The following TTC6 variants were observed in gnomAD, a reference collection of about 807,000 sequenced individuals.
TTC6 encodes the protein tetratricopeptide repeat domain 6.
Under a neutral mutation model 210.4 loss-of-function variants are expected in TTC6, and 172 were observed. That is an observed-to-expected ratio of 0.82 (90% CI 0.72 to 0.93). The LOEUF (loss-of-function observed/expected upper bound fraction) is 0.93, where lower values mean the gene tolerates loss of function less well. TTC6 is among the 40% of genes least tolerant of loss of function. The pLI, the probability that TTC6 is intolerant of heterozygous loss-of-function variation, is 0.00. For synonymous variants in TTC6, 804 were observed against 819.6 expected (o/e 0.98, Z 0.32); for missense variants, 2,414 against 2,318.1 (o/e 1.04, Z -0.85).
At chr14:37,640,110 A>G (rs1211127294) in intron 1 of TTC6, among the ~76,000 whole-genome samples, 1 of 152,064 alleles carries the variant, frequency 6.6e-6, no homozygotes, top group African/African-American at 2.4e-5. Context: ...TGTTGGATAC[A>G]GGTGCAGCTT....
intron 14 of TTC6, among the ~76,000 whole-genome samples, chr14:37,773,995 CT>C (rs1487747771): frequency 1.3e-5 from 2 of 151,998 alleles, no homozygotes; most frequent in African/African-American, 4.8e-5. Context: ...AGCTGTATTC[CT>C]AGGTGTTGTA....
At chr14:37,758,713 T>G (rs745938193) in intron 14 of TTC6, among the ~76,000 whole-genome samples, 3 of 152,202 alleles carry the variant, frequency 2.0e-5, no homozygotes, top group Non-Finnish European at 4.4e-5. Flanking sequence ...GTTGTGTGAA[T>G]TTTATCCTGT....
rs548935690 is a variant in TTC6, at chr14:37,622,489, G to T, written c.425G>T (p.Gly142Val). Reference sequence around the variant, plus strand: ...AAAAAGCCCCCAGTCATCGCCTCGGGGTTCGGCACGGCCAGACCCGTGGTC... The same window carrying T: ...AAAAAGCCCCCAGTCATCGCCTCGGTGTTCGGCACGGCCAGACCCGTGGTC... Residue 142 changes from glycine to valine, a missense_variant, in exon 1 of 31, where the codon GGG (glycine) becomes GTG (valine). Physicochemically the swap from Gly to Val is moderately radical, Grantham distance 109 (BLOSUM62 -3). Coordinates refer to ENST00000553443, the Ensembl canonical transcript of TTC6. The T allele has an allele frequency of 2.6e-6, 4 of 1,535,230 alleles. No homozygotes were observed. The African/African-American group carries it at 5.5e-5, about 21-fold the overall frequency.
At chr14:37,727,518 C>T (rs996561030) in intron 7 of TTC6, among the ~76,000 whole-genome samples, 21 of 110,030 alleles carry the variant, frequency 1.9e-4, no homozygotes, top group African/African-American at 7.4e-4. Context: ...TGGTCTTGAT[C>T]TCCTGACCTT....
At position 37,767,170 on chromosome 14, in the gene TTC6, G is replaced by A. The variant is rs546298843; in HGVS notation, c.3266+13935G>A. 8.0e-4 allele frequency among the ~76,000 whole-genome samples: 122 copies of A among 152,244 alleles called. No individual in the cohort carries two copies. In the Middle Eastern group the frequency reaches 0.031, roughly 38 times the overall value. On this transcript the variant is annotated intron_variant, in intron 14 of 30. Transcript: ENST00000553443. ...CTGCATAGTATTCCATGGTGTATAT[G>A]TGCCACATTTTCTTAATCCAGTCTA...
intron 1 of TTC6, among the ~76,000 whole-genome samples, chr14:37,651,407 ATATATATATATATATATATTTTTTTT>A (rs1487884914): frequency 2.3e-3 from 38 of 16,842 alleles, no homozygotes; most frequent in African/African-American, 9.3e-3. Flanking sequence ...ATATATATAT[ATATATATATATATATATATTTTTTTT>A]TTTTTTTTTT....
rs562015235 is a variant in TTC6, at chr14:37,748,005, G to A, written c.2364-934G>A. Among the ~76,000 whole-genome samples the A allele has an allele frequency of 6.2e-4, 95 of 152,290 alleles. 1 individual carries two copies. The highest frequency in any genetic ancestry group is 2.2e-3 in the African/African-American group (93 of 41,554). ...GGGCTTGATTTGCATACTAGGGGAA[G>A]CTCCTGGAGGAGTGATGTGATCTTA... On this transcript the variant is annotated intron_variant, in intron 10 of 30. Transcript: ENST00000553443.
At chr14:37,760,142 A>G (rs1437283662) in intron 14 of TTC6, among the ~76,000 whole-genome samples, 17 of 152,120 alleles carry the variant, frequency 1.1e-4, no homozygotes, top group African/African-American at 3.9e-4. Context: ...GGATTTATCT[A>G]TCTTTGATCT....
intron 4 of TTC6, among the ~76,000 whole-genome samples, chr14:37,699,975 A>G (rs1462320595): frequency 6.6e-6 from 1 of 152,174 alleles, no homozygotes. Context: ...ATTATGATGA[A>G]TTTGAGAGGT....
intron 15 of TTC6, 56 bp from the exon 18 acceptor site, chr14:37,790,661 T>C (rs1388109855): frequency 7.1e-7 from 1 of 1,410,242 alleles, no homozygotes; most frequent in Non-Finnish European, 9.6e-7. Context: ...TAAAGTATAA[T>C]TTACCTATGG....
At chr14:37,662,261 C>T (rs1449723325) in intron 1 of TTC6, among the ~76,000 whole-genome samples, 2 of 152,052 alleles carry the variant, frequency 1.3e-5, no homozygotes, top group African/African-American at 2.4e-5. Context: ...CCAGCTTTGC[C>T]CATTCAGTAT....
intron 14 of TTC6, among the ~76,000 whole-genome samples, chr14:37,766,700 G>C (rs899013393): frequency 2.0e-5 from 3 of 152,110 alleles, no homozygotes; most frequent in Admixed American, 6.5e-5. Context: ...ATGGTACAAT[G>C]ATTTATATTT....
At chr14:37,697,305 A>G (rs919228315) in intron 4 of TTC6, among the ~76,000 whole-genome samples, 5 of 152,132 alleles carry the variant, frequency 3.3e-5, no homozygotes, top group Admixed American at 6.6e-5. Context: ...CCTCACATCC[A>G]TAATTTTAAT....
chr14:37,636,527 G>A (rs989326118), intron 1 of TTC6, among the ~76,000 whole-genome samples: 1 of 151,910 alleles, frequency 6.6e-6, no homozygotes, highest in Non-Finnish European at 1.5e-5. Context: ...TAATCCATGG[G>A]TCAAAGAGGA....
exon 3 of TTC6, chr14:37,682,764 C>T: frequency 6.5e-7 from 1 of 1,535,328 alleles, no homozygotes; most frequent in South Asian, 1.2e-5. Flanking sequence ...ACAGAGCGTG[C>T]ATAAGGAACT....
At chr14:37,826,343 T>C (rs768294393) in exon 28 of TTC6, 1 of 1,597,354 alleles carries the variant, frequency 6.3e-7, no homozygotes, top group East Asian at 2.2e-5. Context: ...AATGCTGCCA[T>C]GAAGGTAAAA....
intron 27 of TTC6, among the ~76,000 whole-genome samples, chr14:37,824,427 ATT>A (rs531331753): frequency 5.1e-4 from 77 of 152,156 alleles, no homozygotes; most frequent in Non-Finnish European, 1.1e-3. Flanking sequence ...AAAGAGAGGG[ATT>A]TCCAAGGCAG....
At chr14:37,670,274 A>G (rs952371360) in intron 1 of TTC6, among the ~76,000 whole-genome samples, 5 of 152,142 alleles carry the variant, frequency 3.3e-5, no homozygotes, top group African/African-American at 1.2e-4. Flanking sequence ...CATAGTTTTC[A>G]CAAATACTGT....
chr14:37,751,828 T>TC (rs1404328114), intron 13 of TTC6, among the ~76,000 whole-genome samples: 2 of 148,642 alleles, frequency 1.3e-5, no homozygotes, highest in Non-Finnish European at 3.0e-5. Context: ...ATGAACTTTT[T>TC]TTTTTTTTTT....
Sources: allele counts gnomAD v4.1 joint callset (sites outside exome capture counted in the v4.1 genomes callset), GRCh38; gene constraint gnomAD v4.1.1; transcripts MANE v1.5; gene names NCBI Gene and HGNC (gene_info 2026-07-23, HGNC 2026-07-21).